The following TAFA1 variants were observed in gnomAD, a reference collection of about 807,000 sequenced individuals.
TAFA1 encodes the protein chemokine-like protein TAFA-1.
Under a neutral mutation model 18.5 loss-of-function variants are expected in TAFA1, and 4 were observed. The observed-to-expected ratio is 0.22, with a 90% CI of 0.11 to 0.49. The LOEUF (loss-of-function observed/expected upper bound fraction) is 0.49, where lower values mean the gene tolerates loss of function less well. Among genes scored for constraint, TAFA1 ranks in the 20% least tolerant of loss-of-function variants. The pLI, the probability that TAFA1 is intolerant of heterozygous loss-of-function variation, is 0.98. For synonymous variants in TAFA1, 56 were observed against 55.2 expected (o/e 1.01, Z -0.06); for missense variants, 147 against 169.0 (o/e 0.87, Z 0.72).
At chr3:68,288,467 T>C (rs1268308913) in intron 2 of TAFA1, among the ~76,000 whole-genome samples, 1 of 152,148 alleles carries the variant, frequency 6.6e-6, no homozygotes, top group Non-Finnish European at 1.5e-5. Flanking sequence ...CATGGAAGAT[T>C]ATGTCGCCAT....
At chr3:68,177,450 C>T (rs915022029) in intron 2 of TAFA1, among the ~76,000 whole-genome samples, 11 of 152,154 alleles carry the variant, frequency 7.2e-5, no homozygotes, top group Admixed American at 2.0e-4. Context: ...TACTACCTTG[C>T]TCTTTTGAAG....
chr3:68,390,747 A>G (rs2070221432), intron 2 of TAFA1, among the ~76,000 whole-genome samples: 2 of 152,226 alleles, frequency 1.3e-5, no homozygotes, highest in African/African-American at 4.8e-5. Context: ...ACTCCAGCAG[A>G]TCTGCAGAAG....
chr3:68,112,111 C>T (rs1264155472), intron 2 of TAFA1, among the ~76,000 whole-genome samples: 1 of 151,366 alleles, frequency 6.6e-6, no homozygotes, highest in Non-Finnish European at 1.5e-5. Context: ...AAATGCTATA[C>T]TCATATAGAG....
intron 2 of TAFA1, among the ~76,000 whole-genome samples, chr3:68,407,649 C>G (rs949158944): frequency 2.0e-5 from 3 of 152,058 alleles, no homozygotes; most frequent in Admixed American, 2.0e-4. Context: ...CATCCACATT[C>G]TACAGATGAG....
chr3:68,090,446 A>G (rs77111586), intron 2 of TAFA1, among the ~76,000 whole-genome samples: 2,534 of 152,318 alleles, frequency 0.017, 73 homozygotes, highest in African/African-American at 0.058. Context: ...ATTGGAAACC[A>G]CAACTCAAAA....
At chr3:68,089,209 C>G (rs1336174320) in intron 2 of TAFA1, among the ~76,000 whole-genome samples, 1 of 152,140 alleles carries the variant, frequency 6.6e-6, no homozygotes, top group Non-Finnish European at 1.5e-5. Flanking sequence ...TGGGAGTTCT[C>G]AGTATTGGCT....
At chr3:68,504,418 T>C (rs2072713651) in intron 3 of TAFA1, among the ~76,000 whole-genome samples, 1 of 152,208 alleles carries the variant, frequency 6.6e-6, no homozygotes, top group African/African-American at 2.4e-5. Flanking sequence ...GACTCTGGCA[T>C]GCATTCCTGG....
intron 2 of TAFA1, among the ~76,000 whole-genome samples, chr3:68,410,051 T>C (rs569691295): frequency 1.3e-5 from 2 of 152,324 alleles, no homozygotes; most frequent in Non-Finnish European, 2.9e-5. Flanking sequence ...CATCCATTGC[T>C]AGGAGCATAT....
intron 2 of TAFA1, among the ~76,000 whole-genome samples, chr3:68,327,598 T>G (rs913389769): frequency 6.6e-6 from 1 of 152,160 alleles, no homozygotes; most frequent in Non-Finnish European, 1.5e-5. Context: ...ATTAACTTCT[T>G]AGGCTTGCTG....
intron 3 of TAFA1, among the ~76,000 whole-genome samples, chr3:68,507,929 G>C (rs1307504535): frequency 6.6e-6 from 1 of 152,092 alleles, no homozygotes; most frequent in East Asian, 1.9e-4. Flanking sequence ...TCCTTTGCAA[G>C]ATATACCAAA....
intron 2 of TAFA1, among the ~76,000 whole-genome samples, chr3:68,024,543 A>G (rs774014845): frequency 6.6e-6 from 1 of 152,134 alleles, no homozygotes. Flanking sequence ...ATTTGCCTTG[A>G]TGGGCAGAGT....
intron 2 of TAFA1, among the ~76,000 whole-genome samples, chr3:68,386,548 CCTGGAGGAGA>C (rs1170153410): frequency 6.6e-6 from 1 of 151,402 alleles, no homozygotes; most frequent in East Asian, 1.9e-4. Context: ...GCCTGACAAT[CCTGGAGGAGA>C]CTGGCCTAGC....
intron 2 of TAFA1, among the ~76,000 whole-genome samples, chr3:68,184,405 T>C (rs1221272973): frequency 6.6e-6 from 1 of 152,126 alleles, no homozygotes; most frequent in Non-Finnish European, 1.5e-5. Flanking sequence ...GGAAACACTG[T>C]GGCTAGAAGG....
At chr3:68,047,048 A>G (rs2064398099) in intron 2 of TAFA1, among the ~76,000 whole-genome samples, 1 of 152,214 alleles carries the variant, frequency 6.6e-6, no homozygotes, top group Non-Finnish European at 1.5e-5. Flanking sequence ...GATATCTATG[A>G]AAAACTGTTT....
At chr3:68,232,360 T>A (rs2066882232) in intron 2 of TAFA1, among the ~76,000 whole-genome samples, 1 of 152,218 alleles carries the variant, frequency 6.6e-6, no homozygotes, top group Non-Finnish European at 1.5e-5. Flanking sequence ...CATAATGTCC[T>A]CCAGGCTCAT....
At chr3:68,153,857 G>A (rs546921858) in intron 2 of TAFA1, among the ~76,000 whole-genome samples, 1 of 152,194 alleles carries the variant, frequency 6.6e-6, no homozygotes, top group South Asian at 2.1e-4. Context: ...TGCGTGAAAA[G>A]TTCAGTTTTT....
intron 2 of TAFA1, among the ~76,000 whole-genome samples, chr3:68,287,016 A>G (rs1405340342): frequency 1.3e-5 from 2 of 152,200 alleles, no homozygotes; most frequent in East Asian, 3.9e-4. Flanking sequence ...AGTCAGCCAC[A>G]GCACAAAGAA....
At chr3:68,471,274 G>C (rs2071992610) in intron 3 of TAFA1, among the ~76,000 whole-genome samples, 1 of 152,340 alleles carries the variant, frequency 6.6e-6, no homozygotes, top group Admixed American at 6.5e-5. Flanking sequence ...CAGTGCAGAA[G>C]GGAAGTGTGA....
chr3:68,449,810 C>T (rs2071539143), intron 3 of TAFA1, among the ~76,000 whole-genome samples: 1 of 152,142 alleles, frequency 6.6e-6, no homozygotes, highest in Non-Finnish European at 1.5e-5. Flanking sequence ...TCTTTGTATT[C>T]ATGTCTACAT....
Sources: gnomAD v4.1 joint callset for allele counts (sites outside exome capture counted in the v4.1 genomes callset) on GRCh38, gnomAD v4.1.1 for gene constraint, MANE v1.5 for transcripts, NCBI Gene and HGNC (gene_info 2026-07-23, HGNC 2026-07-21) for gene names.